HPCA: variants seen among roughly 807,000 people sequenced by gnomAD.
HPCA encodes the protein neuron-specific calcium-binding protein hippocalcin.
A neutral mutation model predicts 18.2 loss-of-function variants in HPCA; 4 were observed. The observed-to-expected ratio is 0.22, with a 90% CI of 0.11 to 0.50. The LOEUF is 0.50. Ranked by LOEUF, HPCA falls within the 20% of genes least tolerant of loss-of-function variation. HPCA has a pLI of 0.97. For synonymous variants in HPCA, 93 were observed against 103.5 expected (o/e 0.90, Z 0.61); for missense variants, 161 against 265.8 (o/e 0.61, Z 2.74).
chr1:32,886,218 C>T (rs1641359290), upstream of HPCA: 1 of 152,180 alleles, frequency 6.6e-6, no homozygotes, highest in South Asian at 2.1e-4. The surrounding 1 kb of genome is among the most constrained non-coding windows in gnomAD (Gnocchi z 7.0). Context: ...TTCCGGCCAC[C>T]AGAGCCGAGG....
intron 2 of HPCA, among the ~76,000 whole-genome samples, chr1:32,891,637 A>G (rs889513044): frequency 5.3e-5 from 8 of 152,190 alleles, no homozygotes; most frequent in African/African-American, 1.9e-4. Flanking sequence ...AATCTCATTT[A>G]ATCTGAGGAA....
At chr1:32,892,070 T>C (rs1641461181) in intron 2 of HPCA, among the ~76,000 whole-genome samples, 1 of 152,214 alleles carries the variant, frequency 6.6e-6, no homozygotes, top group Non-Finnish European at 1.5e-5. Context: ...TGATAAGTGG[T>C]ACTTAGTATC....
At chr1:32,888,239 A>C (rs1641403169) in intron 1 of HPCA, among the ~76,000 whole-genome samples, 1 of 152,174 alleles carries the variant, frequency 6.6e-6, no homozygotes, top group Non-Finnish European at 1.5e-5. Flanking sequence ...AGCTGGTAAG[A>C]GGAGGAGCTG....
chr1:32,887,382 T>C (rs578125821), intron 1 of HPCA, among the ~76,000 whole-genome samples: 19 of 152,270 alleles, frequency 1.2e-4, no homozygotes, highest in South Asian at 6.2e-4. Flanking sequence ...TTCACATGTG[T>C]GCAGAGCTTC....
chr1:32,892,052 C>T (rs767902402), intron 2 of HPCA, among the ~76,000 whole-genome samples: 10 of 152,154 alleles, frequency 6.6e-5, no homozygotes, highest in Non-Finnish European at 1.0e-4. Flanking sequence ...TGGCACAGAG[C>T]GGGCCCCTGA....
In HPCA at chr1:32,889,165, G is replaced by A. The variant is rs1641416382; in HGVS notation, c.267G>A (p.Leu89=). The A allele has an allele frequency of 6.2e-7, 1 of 1,614,252 alleles. No homozygotes were observed. Among genetic ancestry groups the A allele is most frequent in the Non-Finnish European group, 8.5e-7 (1 of 1,180,044 alleles). Residue 89 remains leucine, a synonymous_variant, in exon 2 of 4, where the codon CTG becomes CTA. Transcript: ENST00000373467. This position sits in a 1 kb window ranked among gnomAD's most constrained non-coding sequence, Gnocchi z 4.6. ...TIDFREFIIA[L]SVTSRGRLEQ... The stretch of plus-strand genomic sequence containing the variant: ...ACTTTCGGGAGTTCATCATTGCGCT[G>A]AGCGTGACCTCGCGCGGCCGCCTGG...
At position 32,893,616 on chromosome 1, in the gene HPCA, C is replaced by T. The variant is rs1208811326; in HGVS notation, c.471C>T (p.Asp157=). 6.6e-7 allele frequency: 1 copy of T among 1,519,946 alleles called. No individual in the cohort carries two copies. 94.2% of individuals were successfully genotyped at this position (1,519,946 alleles called of 1,614,324 possible). A position where few individuals can be genotyped will look rare whatever the true frequency, so the allele number is the denominator to read the frequency against. Residue 157 remains aspartate, a synonymous_variant, in exon 3 of 4, where the codon GAC becomes GAT. Transcript: ENST00000373467. The surrounding 1 kb of genome is among the most constrained non-coding windows in gnomAD (Gnocchi z 7.5). ...KRTEKIFRQM[D]TNNDGKLSLE... is the part of the protein sequence containing the mutation. ...CTGAGAAAATCTTCCGCCAAATGGACACAAACAACGACGGTGAGGGGCAGG... is the reference window on the plus strand; with the variant it reads ...CTGAGAAAATCTTCCGCCAAATGGATACAAACAACGACGGTGAGGGGCAGG...
Position 32,886,832 on chromosome 1 carries a change from G to T in HPCA, c.-22+317G>T, listed in dbSNP as rs72654052. Among the ~76,000 whole-genome samples the T allele has an allele frequency of 0.038, 5,780 of 152,198 alleles. 223 individuals are homozygous for T. The highest frequency in any genetic ancestry group is 0.13 in the Admixed American group (1,966 of 15,292). Reference sequence around the variant, plus strand: ...GACAGAGCTGAGGGAGGTTTGGAGCGGGTCCCCGGGGCTGGCTTCTCAGGT... The same window carrying T: ...GACAGAGCTGAGGGAGGTTTGGAGCTGGTCCCCGGGGCTGGCTTCTCAGGT... On this transcript the variant is annotated intron_variant, in intron 1 of 3. Coordinates refer to ENST00000373467, the MANE Select transcript of HPCA (RefSeq NM_002143.3). The surrounding 1 kb of genome is among the most constrained non-coding windows in gnomAD (Gnocchi z 7.0).
chr1:32,890,395 C>T (rs939045398), intron 2 of HPCA, among the ~76,000 whole-genome samples: 3 of 152,236 alleles, frequency 2.0e-5, no homozygotes, highest in Non-Finnish European at 4.4e-5. Context: ...CTCAGCCCAG[C>T]CTTGAAGATG....
rs901702584 is a variant in HPCA, at chr1:32,894,094, G to T, written c.*232G>T. ...CAACAATAGAGACACAGGCTGGGTTGGTCTGCCCCTCAGTCAGGCCCCCTT... is the reference window on the plus strand; with the variant it reads ...CAACAATAGAGACACAGGCTGGGTTTGTCTGCCCCTCAGTCAGGCCCCCTT... On this transcript the variant is annotated 3_prime_UTR_variant, in exon 4 of 4. Coordinates refer to ENST00000373467, the MANE Select transcript of HPCA (RefSeq NM_002143.3). The T allele has an allele frequency of 1.9e-5, 10 of 525,682 alleles. No homozygotes were observed. The highest frequency in any genetic ancestry group is 5.7e-5 in the African/African-American group (3 of 52,434). 32.6% of individuals were successfully genotyped at this position (525,682 alleles called of 1,614,324 possible).
At chr1:32,888,149 ATC>A (rs1402300871) in intron 1 of HPCA, among the ~76,000 whole-genome samples, 8 of 152,218 alleles carry the variant, frequency 5.3e-5, no homozygotes, top group Admixed American at 5.2e-4. Context: ...CCCCAAAACA[ATC>A]CTCTTAGGTA....
Position 32,893,589 on chromosome 1 carries a change from G to A in HPCA, c.444G>A (p.Arg148=). Residue 148 remains arginine (R), a synonymous_variant, in exon 3 of 4, where the codon AGG becomes AGA. Coordinates refer to ENST00000373467, the MANE Select transcript of HPCA (RefSeq NM_002143.3). The surrounding 1 kb of genome is among the most constrained non-coding windows in gnomAD (Gnocchi z 7.5). ...AGGACGAGTCGACCCCGGAAAAGAG[G>A]ACTGAGAAAATCTTCCGCCAAATGG... The part of the protein sequence containing the change: ...MPEDESTPEK[R]TEKIFRQMDT... The A allele has an allele frequency of 6.2e-7, 1 of 1,613,488 alleles. No homozygotes were observed. The highest frequency in any genetic ancestry group is 2.2e-5 in the East Asian group (1 of 44,824).
Position 32,893,482 on chromosome 1 carries a change from G to C in HPCA, c.379-42G>C. On this transcript the variant is annotated intron_variant, in intron 2 of 3. Coordinates refer to ENST00000373467, the MANE Select transcript of HPCA (RefSeq NM_002143.3). This position sits in a 1 kb window ranked among gnomAD's most constrained non-coding sequence, Gnocchi z 7.5. ...CTCTGAATCTTGCGGGTGGGGGCTC[G>C]GGCAGGCTCCTCTCACTCCCCGCCT... The C allele has an allele frequency of 7.0e-7, 1 of 1,424,094 alleles. No individual in the cohort carries two copies. The highest frequency in any genetic ancestry group is 9.9e-7 in the Non-Finnish European group (1 of 1,012,658). 88.2% of individuals were successfully genotyped at this position (1,424,094 alleles called of 1,614,324 possible). A position where few individuals can be genotyped will look rare whatever the true frequency, so the allele number is the denominator to read the frequency against.
At chr1:32,886,028 A>G (rs924466715), upstream of HPCA, 1 of 152,190 alleles carries the variant, frequency 6.6e-6, no homozygotes, top group Non-Finnish European at 1.5e-5. The surrounding 1 kb of genome is among the most constrained non-coding windows in gnomAD (Gnocchi z 7.0). Context: ...CCACGCTCCC[A>G]GCTCCGTTAG....
rs556069571 is a variant in HPCA at position 32,887,310 on chromosome 1, A to G, written c.-22+795A>G. Reference sequence around the variant, plus strand: ...CATAGATGGAAAGACACGGCAGGCAAATGCAATGCAAAAACCAGCGGCACA... The same window carrying G: ...CATAGATGGAAAGACACGGCAGGCAGATGCAATGCAAAAACCAGCGGCACA... On this transcript the variant is annotated intron_variant, in intron 1 of 3. Coordinates refer to ENST00000373467, the MANE Select transcript of HPCA (RefSeq NM_002143.3). Among the ~76,000 whole-genome samples the G allele has an allele frequency of 4.5e-4, 68 of 152,272 alleles. 1 individual carries two copies. The highest frequency in any genetic ancestry group is 1.6e-3 in the African/African-American group (66 of 41,550).
chr1:32,893,073 G>T lies in HPCA; in HGVS notation c.379-451G>T, dbSNP rs1641489966. On this transcript the variant is annotated intron_variant, in intron 2 of 3. Transcript: ENST00000373467. The surrounding 1 kb of genome is among the most constrained non-coding windows in gnomAD (Gnocchi z 7.5). ...GCAGACGGCCCCGCAGCGCAGTGCC[G>T]CCCCCTTGGCCCGGCGCCCCCTTTC... 6.6e-6 allele frequency among the ~76,000 whole-genome samples: 1 copy of T among 151,638 alleles called. No individual in the cohort carries two copies. The highest frequency in any genetic ancestry group is 2.4e-5 in the African/African-American group (1 of 41,278).
At chr1:32,887,149 A>T (rs1641383708) in intron 1 of HPCA, among the ~76,000 whole-genome samples, 1 of 152,112 alleles carries the variant, frequency 6.6e-6, no homozygotes, top group South Asian at 2.1e-4. Flanking sequence ...AAGGAGGGGC[A>T]CCAACTTACA....
intron 1 of HPCA, among the ~76,000 whole-genome samples, chr1:32,887,480 G>T (rs935543148): frequency 2.6e-5 from 4 of 152,170 alleles, no homozygotes; most frequent in African/African-American, 7.2e-5. Flanking sequence ...TGCAGAACTG[G>T]CTGGCTGTTT....
Position 32,893,709 on chromosome 1 carries a change from C to T in HPCA, c.485-56C>T. 1 of 1,500,976 alleles carries T rather than the reference C, an allele frequency of 6.7e-7. No individual in the cohort carries two copies. The highest frequency in any genetic ancestry group is 1.2e-5 in the South Asian group (1 of 85,446). The allele number at this position is 1,500,976 out of a possible 1,614,324, so 93.0% of individuals were successfully genotyped here. ...CTCCCTGCCTCCCTTTCCCGCTCCG[C>T]CTCCCCTCGCTAGGCTGCCGCCTCC... On this transcript the variant is annotated intron_variant, in intron 3 of 3. Transcript: ENST00000373467. This position sits in a 1 kb window ranked among gnomAD's most constrained non-coding sequence, Gnocchi z 7.5.
Sources: allele counts gnomAD v4.1 joint callset (sites outside exome capture counted in the v4.1 genomes callset), GRCh38; gene constraint gnomAD v4.1.1; non-coding constraint Gnocchi (gnomAD v3.1); transcripts MANE v1.5; gene names NCBI Gene and HGNC (gene_info 2026-07-23, HGNC 2026-07-21).